Variants in SCHIP1 observed in about 807,000 individuals in gnomAD.
SCHIP1 encodes the protein schwannomin interacting protein 1, also known as schwannomin-interacting protein 1.
A neutral mutation model predicts 29.7 loss-of-function variants in SCHIP1; 8 were observed. The observed-to-expected ratio is 0.27, with a 90% CI of 0.16 to 0.49. The LOEUF (loss-of-function observed/expected upper bound fraction) is 0.49. Among genes scored for constraint, SCHIP1 ranks in the 20% least tolerant of loss-of-function variants. SCHIP1 has a pLI of 0.99. For synonymous variants in SCHIP1, 76 were observed against 94.9 expected, an observed-to-expected ratio of 0.80 and a Z score of 1.16; for missense variants, 193 against 294.6, an observed-to-expected ratio of 0.66 and a Z score of 2.52.
At chr3:159,405,578 T>A in the SCHIP1 span, among the ~76,000 whole-genome samples, 1 of 151,996 alleles carries the variant, frequency 6.6e-6, no homozygotes, top group Admixed American at 6.6e-5. Context: ...TGAAGACAGG[T>A]TATTTGAAAA....
At chr3:159,441,313 CAACA>C in the SCHIP1 span, among the ~76,000 whole-genome samples, 13 of 152,102 alleles carry the variant, frequency 8.5e-5, no homozygotes, top group Non-Finnish European at 1.6e-4. Flanking sequence ...GTTATTCTTT[CAACA>C]AACATTTATT....
chr3:159,547,714 G>A, the SCHIP1 span, among the ~76,000 whole-genome samples: 2 of 152,126 alleles, frequency 1.3e-5, no homozygotes, highest in Non-Finnish European at 2.9e-5. Context: ...AAGATCAGAT[G>A]GTTGTAGATG....
the SCHIP1 span, among the ~76,000 whole-genome samples, chr3:159,324,097 G>A: frequency 1.3e-5 from 2 of 152,088 alleles, no homozygotes; most frequent in African/African-American, 4.8e-5. Context: ...AGATAAGGGG[G>A]GAGTAATTTC....
chr3:159,487,265 G>A, the SCHIP1 span, among the ~76,000 whole-genome samples: 2,984 of 152,220 alleles, frequency 0.02, 96 homozygotes, highest in African/African-American at 0.069. Flanking sequence ...TTTAGTTTGC[G>A]TCAGTTTCAT....
At chr3:159,468,972 T>G in the SCHIP1 span, among the ~76,000 whole-genome samples, 1 of 151,720 alleles carries the variant, frequency 6.6e-6, no homozygotes, top group Non-Finnish European at 1.5e-5. Context: ...TTCACCGTGT[T>G]AGCCCGGATG....
the SCHIP1 span, among the ~76,000 whole-genome samples, chr3:159,806,131 C>T: frequency 9.2e-5 from 14 of 152,280 alleles, no homozygotes; most frequent in East Asian, 1.9e-3. Context: ...AATAGGACAA[C>T]TAAGCAATCA....
the SCHIP1 span, among the ~76,000 whole-genome samples, chr3:159,335,136 G>A: frequency 1.3e-5 from 2 of 151,966 alleles, no homozygotes; most frequent in Non-Finnish European, 2.9e-5. Flanking sequence ...CTGACCTTAA[G>A]TGATCTGCCT....
At chr3:159,718,230 C>G in the SCHIP1 span, among the ~76,000 whole-genome samples, 2 of 152,180 alleles carry the variant, frequency 1.3e-5, no homozygotes, top group Non-Finnish European at 2.9e-5. Context: ...TGGGATGTAT[C>G]TCAAAATATT....
the SCHIP1 span, among the ~76,000 whole-genome samples, chr3:159,307,043 G>T: frequency 2.0e-5 from 3 of 152,172 alleles, no homozygotes; most frequent in Admixed American, 2.0e-4. Context: ...GTTCATTGCA[G>T]TGCTAGCTAC....
At chr3:159,384,921 T>C in the SCHIP1 span, among the ~76,000 whole-genome samples, 1 of 152,234 alleles carries the variant, frequency 6.6e-6, no homozygotes, top group African/African-American at 2.4e-5. Flanking sequence ...TATTCTCTGA[T>C]GGTAGTTTTT....
the SCHIP1 span, among the ~76,000 whole-genome samples, chr3:159,814,047 G>A: frequency 6.6e-6 from 1 of 152,172 alleles, no homozygotes; most frequent in African/African-American, 2.4e-5. Context: ...AGGAGGGAAG[G>A]ACTTCCTTCT....
the SCHIP1 span, among the ~76,000 whole-genome samples, chr3:159,394,628 C>T: frequency 3.3e-3 from 506 of 151,772 alleles, no homozygotes; most frequent in African/African-American, 0.011. Context: ...TATTGATTTG[C>T]GTATATTGAA....
At chr3:159,363,876 T>C in the SCHIP1 span, among the ~76,000 whole-genome samples, 1 of 152,286 alleles carries the variant, frequency 6.6e-6, no homozygotes, top group East Asian at 1.9e-4. Context: ...ACCTTGTACC[T>C]GGGGAAGAAT....
chr3:159,407,629 T>C, the SCHIP1 span, among the ~76,000 whole-genome samples: 1 of 152,248 alleles, frequency 6.6e-6, no homozygotes, highest in Non-Finnish European at 1.5e-5. Flanking sequence ...AGATCATATG[T>C]TACTTCACAA....
chr3:159,493,953 C>A, the SCHIP1 span, among the ~76,000 whole-genome samples: 1 of 151,974 alleles, frequency 6.6e-6, no homozygotes, highest in Non-Finnish European at 1.5e-5. Flanking sequence ...GAAACTCACT[C>A]AAAACCGCTC....
At chr3:159,856,965 G>A (rs1447164103) in intron 1 of SCHIP1, among the ~76,000 whole-genome samples, 5 of 152,098 alleles carry the variant, frequency 3.3e-5, no homozygotes, top group Admixed American at 6.5e-5. Flanking sequence ...TAACCCTCAC[G>A]TCTTCCTGCC....
the SCHIP1 span, among the ~76,000 whole-genome samples, chr3:159,423,017 A>C: frequency 1.3e-5 from 2 of 152,238 alleles, no homozygotes; most frequent in Admixed American, 1.3e-4. Context: ...TGTTCTCCCA[A>C]AAGAAAAACA....
At chr3:159,408,434 GAGAA>G in the SCHIP1 span, among the ~76,000 whole-genome samples, 1 of 149,472 alleles carries the variant, frequency 6.7e-6, no homozygotes, top group African/African-American at 2.5e-5. Context: ...GCCACTCTAA[GAGAA>G]AGAGAGAAGA....
intron 6 of SCHIP1, among the ~76,000 whole-genome samples, chr3:159,895,333 CT>C (rs1717956537): frequency 6.6e-6 from 1 of 152,128 alleles, no homozygotes; most frequent in African/African-American, 2.4e-5. Flanking sequence ...TTTGTCTTCC[CT>C]GATATGACAC....
Sources: allele counts gnomAD v4.1 joint callset (sites outside exome capture counted in the v4.1 genomes callset), GRCh38; gene constraint gnomAD v4.1.1; transcripts MANE v1.5; gene names NCBI Gene and HGNC (gene_info 2026-07-23, HGNC 2026-07-21).